SAMD3: variants seen among roughly 807,000 people sequenced by gnomAD.
The protein encoded by SAMD3 is sterile alpha motif domain containing 3, also known as sterile alpha motif domain-containing protein 3.
Under a neutral mutation model 58.5 loss-of-function variants are expected in SAMD3, and 63 were observed. That is an observed-to-expected ratio of 1.08 (90% CI 0.88 to 1.33). SAMD3 has a LOEUF of 1.33. Ranked by LOEUF, SAMD3 falls within the 40% of genes most tolerant of loss-of-function variation. The probability of loss-of-function intolerance (pLI) is 0.00; values close to 1 mark genes in which losing one functional copy is unlikely to be tolerated. For synonymous variants in SAMD3, 220 were observed against 210.3 expected (o/e 1.05, Z -0.40); for missense variants, 604 against 608.4 (o/e 0.99, Z 0.08).
At chr6:130,347,174 TCTC>T (rs1390002358) in intron 1 of SAMD3, among the ~76,000 whole-genome samples, 1 of 151,990 alleles carries the variant, frequency 6.6e-6, no homozygotes, top group Non-Finnish European at 1.5e-5. Context: ...GCAGAGTGCC[TCTC>T]CTCCTCCAAA....
chr6:130,335,037 G>A (rs557596263), intron 1 of SAMD3, among the ~76,000 whole-genome samples: 1 of 152,192 alleles, frequency 6.6e-6, no homozygotes, highest in Non-Finnish European at 1.5e-5. Context: ...TCTCTGAGCT[G>A]CAGGGGATGG....
intron 1 of SAMD3, among the ~76,000 whole-genome samples, chr6:130,352,903 T>G (rs1287062055): frequency 6.6e-6 from 1 of 152,236 alleles, no homozygotes; most frequent in Non-Finnish European, 1.5e-5. Flanking sequence ...TTTACCTAAT[T>G]AATAATTGTT....
At position 130,290,790 on chromosome 6, in the gene SAMD3, G is replaced by A. The variant is rs150250466; in HGVS notation, c.-188+22188C>T. Reference sequence around the variant, plus strand: ...CAGAATAAGATAGTATGGAGTAAATGTGCAGTAAATTTGGCTACTATTAAA... The same window carrying A: ...CAGAATAAGATAGTATGGAGTAAATATGCAGTAAATTTGGCTACTATTAAA... On this transcript the variant is annotated intron_variant, in intron 2 of 13. Coordinates refer to the SAMD3 transcript ENST00000368134. 2.0e-3 allele frequency among the ~76,000 whole-genome samples: 311 copies of A among 152,288 alleles called. 4 individuals are homozygous for A. Among genetic ancestry groups the A allele is most frequent in the African/African-American group, 7.2e-3 (301 of 41,570 alleles).
At chr6:130,241,003 C>T (rs1236746239) in intron 2 of SAMD3, among the ~76,000 whole-genome samples, 2 of 152,094 alleles carry the variant, frequency 1.3e-5, no homozygotes, top group Non-Finnish European at 2.9e-5. Context: ...GGCACACTTC[C>T]TTCTCCTGTT....
chr6:130,350,028 A>C (rs1486959775), intron 1 of SAMD3, among the ~76,000 whole-genome samples: 1 of 152,242 alleles, frequency 6.6e-6, no homozygotes, highest in Non-Finnish European at 1.5e-5. Flanking sequence ...ACAGCCCTTC[A>C]TACTAAAAAC....
intron 1 of SAMD3, among the ~76,000 whole-genome samples, chr6:130,358,141 C>A (rs1777888451): frequency 6.6e-6 from 1 of 152,260 alleles, no homozygotes; most frequent in Non-Finnish European, 1.5e-5. Flanking sequence ...GCAGAAGAAT[C>A]TAAGTAGATA....
chr6:130,265,620 C>T (rs1345120112), intron 2 of SAMD3, among the ~76,000 whole-genome samples: 6 of 152,112 alleles, frequency 3.9e-5, no homozygotes, highest in Admixed American at 2.6e-4. Context: ...TAATGTTACT[C>T]TATACAAGGT....
rs1554271698 is a variant in SAMD3, at chr6:130,292,267, C to CTTT, written c.-188+20708_-188+20710dup. 6.2e-4 allele frequency among the ~76,000 whole-genome samples: 52 copies of CTTT among 83,932 alleles called. 1 individual carries two copies. The highest frequency in any genetic ancestry group is 1.1e-3 in the African/African-American group (28 of 25,790). 55.1% of individuals were successfully genotyped at this position (83,932 alleles called of 152,430 possible). On this transcript the variant is annotated intron_variant, in intron 2 of 13. Transcript: ENST00000368134. The stretch of plus-strand genomic sequence containing the variant: ...CTCAGGAATAACTTTTTTTTTCTTT[C>CTTT]TTTCTTTTTTTTTTTTTTTTGAGAC...
intron 7 of SAMD3, chr6:130,176,331 C>T: frequency 3.2e-6 from 1 of 316,122 alleles, no homozygotes; most frequent in Non-Finnish European, 5.9e-6. Flanking sequence ...TGATACTTTC[C>T]ACTATACTCT....
chr6:130,311,964 G>A (rs1416941499), intron 2 of SAMD3, among the ~76,000 whole-genome samples: 1 of 152,050 alleles, frequency 6.6e-6, no homozygotes, highest in Non-Finnish European at 1.5e-5. Context: ...AGCCCAGAAA[G>A]CATCCCTTTG....
intron 1 of SAMD3, among the ~76,000 whole-genome samples, chr6:130,332,203 T>C (rs1463366003): frequency 2.0e-5 from 3 of 152,172 alleles, no homozygotes; most frequent in Non-Finnish European, 4.4e-5. Context: ...GATGAATGGA[T>C]TGTGGTTCCT....
chr6:130,251,301 G>C (rs1158718238), intron 2 of SAMD3, among the ~76,000 whole-genome samples: 1 of 152,152 alleles, frequency 6.6e-6, no homozygotes, highest in African/African-American at 2.4e-5. Flanking sequence ...TGAGTTGTAA[G>C]AGTTATTTAT....
At chr6:130,146,732 T>TG (rs1443483767) in intron 9 of SAMD3, among the ~76,000 whole-genome samples, 1 of 152,148 alleles carries the variant, frequency 6.6e-6, no homozygotes, top group Non-Finnish European at 1.5e-5. Flanking sequence ...CCCAGCATTT[T>TG]GGGAGGCCAG....
At chr6:130,231,210 C>T (rs1054400738) in intron 2 of SAMD3, among the ~76,000 whole-genome samples, 5 of 151,908 alleles carry the variant, frequency 3.3e-5, no homozygotes, top group Non-Finnish European at 7.4e-5. Context: ...ATATTTATTT[C>T]GTACTTCTGT....
intron 2 of SAMD3, among the ~76,000 whole-genome samples, chr6:130,280,717 C>T (rs188246233): frequency 2.6e-5 from 4 of 152,276 alleles, no homozygotes; most frequent in East Asian, 1.9e-4. Context: ...ACATTGCAGT[C>T]GTAAACTCCT....
chr6:130,346,242 C>T lies in SAMD3; in HGVS notation c.-304+18878G>A, dbSNP rs564869398. ...AGTGGGTGCAGGACAGTGGGTGCAG[C>T]ACACCGAGCATGAGCTGAAGCAGGG... On this transcript the variant is annotated intron_variant, in intron 1 of 13. Transcript: ENST00000368134. 4.9e-4 allele frequency among the ~76,000 whole-genome samples: 74 copies of T among 151,982 alleles called. No individual in the cohort carries two copies. In the South Asian group the frequency reaches 0.01, roughly 21 times the overall value.
downstream of SAMD3, chr6:130,143,247 T>G (rs1788366480): frequency 6.6e-6 from 1 of 152,150 alleles, no homozygotes; most frequent in Non-Finnish European, 1.5e-5. Context: ...TCTTTTGTTT[T>G]TGTTTGTTTG....
At chr6:130,225,721 A>T (rs1796367250), upstream of SAMD3, among the ~76,000 whole-genome samples, 1 of 152,248 alleles carries the variant, frequency 6.6e-6, no homozygotes, top group African/African-American at 2.4e-5. Flanking sequence ...TTGGAAGAAG[A>T]GGAAAAATAT....
At position 130,179,447 on chromosome 6, in the gene SAMD3, C is replaced by A. The variant is rs1041086943; in HGVS notation, c.655-3439G>T. 2.6e-5 allele frequency among the ~76,000 whole-genome samples: 4 copies of A among 152,088 alleles called. No individual in the cohort carries two copies. In the East Asian group the frequency reaches 7.7e-4, roughly 29 times the overall value. ...TAAAAAATGGCCCTGAAATTGCAGA[C>A]CTCCTGTTGTGACATATGAAGCAGT... On this transcript the variant is annotated intron_variant, in intron 7 of 11. Coordinates refer to ENST00000439090, the MANE Select transcript of SAMD3 (RefSeq NM_001017373.4).
Sources: gnomAD v4.1 joint callset for allele counts (sites outside exome capture counted in the v4.1 genomes callset) on GRCh38, gnomAD v4.1.1 for gene constraint, MANE v1.5 for transcripts, NCBI Gene and HGNC (gene_info 2026-07-23, HGNC 2026-07-21) for gene names.